Variants in BBS9 observed in about 807,000 individuals in gnomAD.
The protein encoded by BBS9 is Bardet-Biedl syndrome 9, also known as protein PTHB1.
Under a neutral mutation model 117.7 loss-of-function variants are expected in BBS9, and 89 were observed. The ratio of observed to expected loss-of-function variants is 0.76; its 90% confidence interval spans 0.64 to 0.90. The LOEUF (loss-of-function observed/expected upper bound fraction) is 0.90, where lower values mean the gene tolerates loss of function less well. Among genes scored for constraint, BBS9 ranks in the 40% least tolerant of loss-of-function variants. The probability of loss-of-function intolerance (pLI) is 0.00; values close to 1 mark genes in which losing one functional copy is unlikely to be tolerated. For missense variants in BBS9, 982 were observed against 1,042.2 expected (o/e 0.94, Z 0.80); for synonymous variants, 379 against 370.9 (o/e 1.02, Z -0.25).
intron 21 of BBS9, among the ~76,000 whole-genome samples, chr7:33,603,392 G>A (rs185052038): frequency 1.6e-3 from 245 of 152,200 alleles, no homozygotes; most frequent in Middle Eastern, 3.4e-3. Context: ...TGAGTGTAAA[G>A]AAGAAGAAAA....
At chr7:33,250,249 A>G (rs1174338324) in intron 5 of BBS9, among the ~76,000 whole-genome samples, 1 of 152,160 alleles carries the variant, frequency 6.6e-6, no homozygotes, top group African/African-American at 2.4e-5. Flanking sequence ...TCTTTTTTAG[A>G]GTTACTAAAA....
chr7:33,452,581 G>A (rs887807812), intron 19 of BBS9, among the ~76,000 whole-genome samples: 9 of 152,098 alleles, frequency 5.9e-5, no homozygotes, highest in African/African-American at 1.2e-4. Flanking sequence ...ATAAGGTAAT[G>A]GACACAAAGC....
intron 5 of BBS9, among the ~76,000 whole-genome samples, chr7:33,247,693 C>T (rs1294264272): frequency 6.6e-6 from 1 of 152,122 alleles, no homozygotes; most frequent in Non-Finnish European, 1.5e-5. Context: ...CTGAGAGTAG[C>T]GACTGTGTCT....
intron 20 of BBS9, among the ~76,000 whole-genome samples, chr7:33,528,053 T>C (rs1274800139): frequency 1.3e-5 from 2 of 152,198 alleles, no homozygotes; most frequent in Non-Finnish European, 2.9e-5. Flanking sequence ...GTAATACAAT[T>C]CCATACAATA....
chr7:33,471,818 G>A (rs1299636932), intron 19 of BBS9, among the ~76,000 whole-genome samples: 3 of 152,174 alleles, frequency 2.0e-5, no homozygotes, highest in African/African-American at 7.2e-5. Context: ...TCCATTTAAA[G>A]TGGAATTTTC....
intron 5 of BBS9, among the ~76,000 whole-genome samples, chr7:33,235,134 A>G (rs1038935211): frequency 3.3e-5 from 5 of 152,162 alleles, no homozygotes; most frequent in Non-Finnish European, 7.4e-5. Flanking sequence ...ATGTTTAATG[A>G]TTTTTAGGAG....
chr7:33,569,716 C>G (rs552693704), intron 21 of BBS9, among the ~76,000 whole-genome samples: 4 of 151,976 alleles, frequency 2.6e-5, no homozygotes, highest in Admixed American at 2.6e-4. Flanking sequence ...GAGCCGAGAT[C>G]GCGCCACTGC....
At chr7:33,584,225 CTTTT>C (rs543371137) in intron 21 of BBS9, among the ~76,000 whole-genome samples, 34 of 151,940 alleles carry the variant, frequency 2.2e-4, no homozygotes, top group Non-Finnish European at 3.8e-4. Flanking sequence ...GAAAATAAGA[CTTTT>C]TATTTTATAT....
chr7:33,309,286 A>C (rs1405541935), intron 9 of BBS9, among the ~76,000 whole-genome samples: 1 of 152,130 alleles, frequency 6.6e-6, no homozygotes, highest in Admixed American at 6.5e-5. Flanking sequence ...GAATGAACCC[A>C]AGGTTTCCAA....
chr7:33,622,632 A>G (rs1865464664), intron 21 of BBS9, among the ~76,000 whole-genome samples: 1 of 152,226 alleles, frequency 6.6e-6, no homozygotes, highest in Admixed American at 6.5e-5. Context: ...TACAATTTAC[A>G]TGGAAGAGCA....
At chr7:33,301,891 C>T (rs189269462) in intron 9 of BBS9, among the ~76,000 whole-genome samples, 1 of 152,144 alleles carries the variant, frequency 6.6e-6, no homozygotes, top group Non-Finnish European at 1.5e-5. Flanking sequence ...TACATTTCCA[C>T]CAACAATGTA....
intron 5 of BBS9, among the ~76,000 whole-genome samples, chr7:33,196,544 T>C (rs1269809236): frequency 6.6e-6 from 1 of 152,230 alleles, no homozygotes; most frequent in Non-Finnish European, 1.5e-5. Flanking sequence ...AATGTTTTGA[T>C]AGCCCTTGTC....
intron 4 of BBS9, among the ~76,000 whole-genome samples, chr7:33,175,324 A>C (rs1037444842): frequency 5.3e-5 from 8 of 151,736 alleles, no homozygotes; most frequent in East Asian, 3.9e-4. Flanking sequence ...AAAAAAAAAA[A>C]CAACAAAACT....
intron 5 of BBS9, among the ~76,000 whole-genome samples, chr7:33,192,775 C>A (rs2128194746): frequency 6.6e-6 from 1 of 152,246 alleles, no homozygotes; most frequent in Admixed American, 6.5e-5. Flanking sequence ...GCAGCTAGGG[C>A]CTGTTCCTCA....
chr7:33,246,361 T>C (rs1318068900), intron 5 of BBS9, among the ~76,000 whole-genome samples: 1 of 152,068 alleles, frequency 6.6e-6, no homozygotes, highest in Non-Finnish European at 1.5e-5. Flanking sequence ...CTAAGGTTTT[T>C]TTCTTGTTTC....
At chr7:33,320,377 A>T (rs1467140350) in intron 9 of BBS9, among the ~76,000 whole-genome samples, 1 of 152,170 alleles carries the variant, frequency 6.6e-6, no homozygotes, top group Non-Finnish European at 1.5e-5. Flanking sequence ...TTCACTTAAT[A>T]TAATGACCTG....
chr7:33,394,600 A>C lies in BBS9; in HGVS notation c.2115+6456A>C, dbSNP rs1347445824. ...TTGGGAAAAATATCATTCTTTTTGA[A>C]AGAATTTTCATCTTTACTTCTAGCT... On this transcript the variant is annotated intron_variant, in intron 19 of 22. Coordinates refer to ENST00000242067, the MANE Select transcript of BBS9 (RefSeq NM_198428.3). Among the ~76,000 whole-genome samples the C allele has an allele frequency of 1.3e-5, 2 of 152,192 alleles. 1 individual carries two copies. Among genetic ancestry groups the C allele is most frequent in the South Asian group, 4.1e-4 (2 of 4,826 alleles).
chr7:33,568,832 A>G (rs1043742019), intron 21 of BBS9, among the ~76,000 whole-genome samples: 6 of 152,224 alleles, frequency 3.9e-5, no homozygotes, highest in African/African-American at 7.2e-5. Context: ...TTATTTGTGT[A>G]AAAGAAATTA....
chr7:33,219,998 A>G lies in BBS9; in HGVS notation c.443-37238A>G, dbSNP rs1055154859. On this transcript the variant is annotated intron_variant, in intron 5 of 22. Coordinates refer to ENST00000242067, the MANE Select transcript of BBS9 (RefSeq NM_198428.3). Reference sequence around the variant, plus strand: ...ACCAGAAGGAAGAAACTCCGAACACATCTGAACATCAGAAGGAACAAACTC... The same window carrying G: ...ACCAGAAGGAAGAAACTCCGAACACGTCTGAACATCAGAAGGAACAAACTC... Among the ~76,000 whole-genome samples, 27 of 152,266 alleles carry G rather than the reference A, an allele frequency of 1.8e-4. 1 individual carries two copies. The highest frequency in any genetic ancestry group is 6.3e-4 in the African/African-American group (26 of 41,534).
Sources: allele counts gnomAD v4.1 joint callset (sites outside exome capture counted in the v4.1 genomes callset), GRCh38; gene constraint gnomAD v4.1.1; transcripts MANE v1.5; gene names NCBI Gene and HGNC (gene_info 2026-07-23, HGNC 2026-07-21).